Variants in PEX14 observed in about 807,000 individuals in gnomAD.
PEX14 encodes the protein peroxisomal membrane protein PEX14.
In PEX14, 15 loss-of-function variants were observed where a neutral mutation model predicts 49.5. The ratio of observed to expected loss-of-function variants is 0.30; its 90% CI spans 0.20 to 0.47. PEX14 has a LOEUF of 0.47. PEX14 is among the 20% of genes least tolerant of loss of function. PEX14 has a pLI of 1.00. For missense variants in PEX14, 398 were observed against 494.8 expected, an observed-to-expected ratio of 0.80 and a Z score of 1.86; for synonymous variants, 210 against 212.7, an observed-to-expected ratio of 0.99 and a Z score of 0.11.
rs1478128450 is a variant in PEX14 at position 10,597,554 on chromosome 1, G to A, written c.170-1684G>A. 6.6e-6 allele frequency among the ~76,000 whole-genome samples: 1 copy of A among 152,202 alleles called. No homozygotes were observed. The highest frequency in any genetic ancestry group is 1.5e-5 in the Non-Finnish European group (1 of 68,032). ...CTTTGCAGCAAGCACCCCCTCTCTA[G>A]CTCCACTCTACTGACCTTCAGCTTT... is the stretch of plus-strand genomic sequence containing the variant. On this transcript the variant is annotated intron_variant, in intron 3 of 8. Coordinates refer to ENST00000356607, the MANE Select transcript of PEX14 (RefSeq NM_004565.3). The surrounding 1 kb of genome is among the most constrained non-coding windows in gnomAD (Gnocchi z 5.7).
Position 10,629,471 on chromosome 1 carries a change from C to T in PEX14, c.678-60C>T. 1 of 1,217,566 alleles carries T rather than the reference C, an allele frequency of 8.2e-7. No homozygotes were observed. The highest frequency in any genetic ancestry group is 1.2e-6 in the Non-Finnish European group (1 of 828,620). 75.4% of individuals were successfully genotyped at this position (1,217,566 alleles called of 1,614,324 possible). On this transcript the variant is annotated intron_variant, in intron 8 of 8. Coordinates refer to ENST00000356607, the MANE Select transcript of PEX14 (RefSeq NM_004565.3). This position sits in a 1 kb window ranked among gnomAD's most constrained non-coding sequence, Gnocchi z 8.5. The stretch of plus-strand genomic sequence containing the variant: ...CCTTGCGGGTCAGGGAAGGCGTGGC[C>T]CTTCGAAGGGGGGCGTCCTGAATGC...
At chr1:10,567,945 T>C (rs1299305053) in intron 3 of PEX14, among the ~76,000 whole-genome samples, 3 of 152,208 alleles carry the variant, frequency 2.0e-5, no homozygotes, top group Admixed American at 2.0e-4. Flanking sequence ...TCTTTTTCGT[T>C]ACTACTTTGA....
rs534567609 is a variant in PEX14 at position 10,512,090 on chromosome 1, A to C, written c.84+16769A>C. ...TTCTCCTGCCTCAGCTTCCCGAATA[A>C]CTGGGACTACAGGCGCCTGCCCCCA... On this transcript the variant is annotated intron_variant, in intron 2 of 8. Transcript: ENST00000356607. The surrounding 1 kb of genome is among the most constrained non-coding windows in gnomAD (Gnocchi z 4.6). 6.6e-6 allele frequency among the ~76,000 whole-genome samples: 1 copy of C among 152,096 alleles called. No homozygotes were observed. Among genetic ancestry groups the C allele is most frequent in the Admixed American group, 6.5e-5 (1 of 15,272 alleles).
intron 3 of PEX14, among the ~76,000 whole-genome samples, chr1:10,561,224 A>G (rs1200312334): frequency 1.3e-5 from 2 of 152,214 alleles, no homozygotes; most frequent in Admixed American, 1.3e-4. Flanking sequence ...TAATTCCATA[A>G]GATCATCTGC....
At chr1:10,606,034 G>A (rs905444586) in intron 4 of PEX14, among the ~76,000 whole-genome samples, 10 of 152,202 alleles carry the variant, frequency 6.6e-5, no homozygotes, top group African/African-American at 2.4e-4. Context: ...CAAGTCTTTG[G>A]TGTTGATGGC....
chr1:10,530,395 G>A (rs1638612008), intron 2 of PEX14, among the ~76,000 whole-genome samples: 1 of 152,282 alleles, frequency 6.6e-6, no homozygotes, highest in Non-Finnish European at 1.5e-5. Flanking sequence ...ACTTAATTTG[G>A]GCTGTGCGAG....
intron 3 of PEX14, among the ~76,000 whole-genome samples, chr1:10,547,519 G>A (rs1390213320): frequency 2.6e-5 from 4 of 152,128 alleles, no homozygotes; most frequent in East Asian, 1.9e-4. Context: ...CTGAAACCTC[G>A]GCTAGTACCG....
intron 3 of PEX14, 35 bp from the exon 4 acceptor site, chr1:10,599,203 G>A (rs753163200): frequency 3.4e-5 from 55 of 1,611,238 alleles, no homozygotes; most frequent in Non-Finnish European, 4.5e-5. Context: ...ACTGACAAAA[G>A]GTACTCACCT....
In PEX14 at chr1:10,623,222, C is replaced by A. The variant is rs1191767826; in HGVS notation, c.487+101C>A. Reference sequence around the variant, plus strand: ...CCTCTGTCTCCACTCTATGTGGTGACTTCATTTATCTGCTCTGAGAATCTG... The same window carrying A: ...CCTCTGTCTCCACTCTATGTGGTGAATTCATTTATCTGCTCTGAGAATCTG... On this transcript the variant is annotated intron_variant, in intron 6 of 8. Coordinates refer to ENST00000356607, the MANE Select transcript of PEX14 (RefSeq NM_004565.3). This position sits in a 1 kb window ranked among gnomAD's most constrained non-coding sequence, Gnocchi z 4.4. 5 of 753,880 alleles carry A rather than the reference C, an allele frequency of 6.6e-6. No homozygotes were observed. The highest frequency in any genetic ancestry group is 1.2e-5 in the Non-Finnish European group (5 of 421,286). The allele number at this position is 753,880 out of a possible 1,614,324, so 46.7% of individuals were successfully genotyped here.
At chr1:10,562,400 G>A (rs555096470) in intron 3 of PEX14, among the ~76,000 whole-genome samples, 11 of 152,290 alleles carry the variant, frequency 7.2e-5, no homozygotes, top group Middle Eastern at 3.4e-3. Flanking sequence ...TCTAATCCAT[G>A]ATCGTGAGTT....
chr1:10,604,756 G>A (rs1053862388), intron 4 of PEX14, among the ~76,000 whole-genome samples: 1 of 152,154 alleles, frequency 6.6e-6, no homozygotes, highest in Non-Finnish European at 1.5e-5. Context: ...ACTTTGAAAT[G>A]CATCATCTAA....
intron 4 of PEX14, among the ~76,000 whole-genome samples, chr1:10,604,692 A>C (rs1641079489): frequency 6.6e-6 from 1 of 152,178 alleles, no homozygotes; most frequent in Non-Finnish European, 1.5e-5. Context: ...TGGCTGGAGA[A>C]AGGGTGGCTC....
At chr1:10,603,011 A>G (rs1407888659) in intron 4 of PEX14, among the ~76,000 whole-genome samples, 1 of 152,106 alleles carries the variant, frequency 6.6e-6, no homozygotes, top group Non-Finnish European at 1.5e-5. Flanking sequence ...CTTTTCCAAG[A>G]CCACCCCAGG....
At chr1:10,511,971 A>AT (rs1641891150) in intron 2 of PEX14, among the ~76,000 whole-genome samples, 1 of 151,870 alleles carries the variant, frequency 6.6e-6, no homozygotes, top group Non-Finnish European at 1.5e-5. Flanking sequence ...AAATATATAT[A>AT]TTTTTTGAGA....
intron 3 of PEX14, among the ~76,000 whole-genome samples, chr1:10,546,563 CAAAAAAAAAA>C (rs35214823): frequency 3.8e-4 from 18 of 47,782 alleles, no homozygotes; most frequent in African/African-American, 1.2e-3. Flanking sequence ...GACTCTGTTT[CAAAAAAAAAA>C]AAAAAAAAAA....
At chr1:10,575,913 TG>T (rs1640105244) in intron 3 of PEX14, among the ~76,000 whole-genome samples, 1 of 152,186 alleles carries the variant, frequency 6.6e-6, no homozygotes, top group Non-Finnish European at 1.5e-5. Context: ...TGTCTCAATA[TG>T]CTACTTGAGT....
chr1:10,503,853 C>T (rs1250890217), intron 2 of PEX14, among the ~76,000 whole-genome samples: 1 of 152,044 alleles, frequency 6.6e-6, no homozygotes, highest in African/African-American at 2.4e-5. Context: ...CATGCCTAAG[C>T]CTCTTGAGTA....
At chr1:10,583,383 C>CTT (rs34977896) in intron 3 of PEX14, among the ~76,000 whole-genome samples, 139 of 127,934 alleles carry the variant, frequency 1.1e-3, no homozygotes, top group Middle Eastern at 3.9e-3. Context: ...TTGCACCCAG[C>CTT]TTTTTTTTTT....
intron 3 of PEX14, among the ~76,000 whole-genome samples, chr1:10,565,752 G>A (rs1003506842): frequency 1.3e-5 from 2 of 152,198 alleles, no homozygotes; most frequent in African/African-American, 4.8e-5. Context: ...AATGGCTTGA[G>A]CCTGTAATCC....
Sources: allele counts gnomAD v4.1 joint callset (sites outside exome capture counted in the v4.1 genomes callset), GRCh38; gene constraint gnomAD v4.1.1; non-coding constraint Gnocchi (gnomAD v3.1); transcripts MANE v1.5; gene names NCBI Gene and HGNC (gene_info 2026-07-23, HGNC 2026-07-21).